Variants in FOXRED1 observed in about 807,000 individuals in gnomAD.
The protein encoded by FOXRED1 is FAD-dependent oxidoreductase domain-containing protein 1.
Under a neutral mutation model 57.8 loss-of-function variants are expected in FOXRED1, and 52 were observed. The ratio of observed to expected loss-of-function variants is 0.90; its 90% CI spans 0.72 to 1.13. The LOEUF is 1.13. Among genes scored for constraint, FOXRED1 ranks in the 50% most tolerant of loss-of-function variants. The probability of loss-of-function intolerance (pLI) is 0.00; values close to 1 mark genes in which losing one functional copy is unlikely to be tolerated. For missense variants in FOXRED1, 589 were observed against 625.2 expected (o/e 0.94, Z 0.62); for synonymous variants, 271 against 248.3 (o/e 1.09, Z -0.86).
chr11:126,274,645 G>GAAA lies in FOXRED1; in HGVS notation c.537-271_537-269dup. 5 of 354,100 alleles carry GAAA rather than the reference G, an allele frequency of 1.4e-5. No homozygotes were observed. The highest frequency in any genetic ancestry group is 4.0e-5 in the Admixed American group (1 of 25,096). The allele number at this position is 354,100 out of a possible 1,614,324, so 21.9% of individuals were successfully genotyped here. ...CCTGGGTGACAGAGCCAGACTCATT[G>GAAA]AAAAAAAAAAAAAGAAGTCATGGAA... On this transcript the variant is annotated intron_variant, in intron 4 of 10. Transcript: ENST00000263578. This position sits in a 1 kb window ranked among gnomAD's most constrained non-coding sequence, Gnocchi z 4.8.
chr11:126,276,610 T>G, intron 9 of FOXRED1, 87 bp downstream of exon 9: 1 of 1,455,440 alleles, frequency 6.9e-7, no homozygotes, highest in Non-Finnish European at 9.5e-7. Context: ...GCACAGTAGC[T>G]CATGCCTGTA....
At position 126,272,708 on chromosome 11, in the gene FOXRED1, C is replaced by T. The variant is rs1951022792; in HGVS notation, c.307-261C>T. ...GTAGGTCAAACGTTAATCGCCTGCC[C>T]TTGGACTTCCAGGCCATTACCATTT... On this transcript the variant is annotated intron_variant, in intron 2 of 10. Transcript: ENST00000263578. The surrounding 1 kb of genome is among the most constrained non-coding windows in gnomAD (Gnocchi z 4.6). 1 of 569,386 alleles carries T rather than the reference C, an allele frequency of 1.8e-6. No homozygotes were observed. Among genetic ancestry groups the T allele is most frequent in the Non-Finnish European group, 3.1e-6 (1 of 317,738 alleles). 35.3% of individuals were successfully genotyped at this position (569,386 alleles called of 1,614,324 possible).
At chr11:126,270,408 A>G (rs1018656643) in intron 1 of FOXRED1, among the ~76,000 whole-genome samples, 1 of 152,246 alleles carries the variant, frequency 6.6e-6, no homozygotes, top group African/African-American at 2.4e-5. Context: ...GTGAAGGTAA[A>G]CACAGCCTCC....
rs1950981031 is a variant in FOXRED1, at chr11:126,271,390, T to A, written c.86-47T>A. The A allele has an allele frequency of 1.4e-6, 2 of 1,380,754 alleles. No individual in the cohort carries two copies. Among genetic ancestry groups the A allele is most frequent in the African/African-American group, 1.4e-5 (1 of 70,410 alleles). The allele number at this position is 1,380,754 out of a possible 1,614,324, so 85.5% of individuals were successfully genotyped here. On this transcript the variant is annotated intron_variant, in intron 1 of 10. Transcript: ENST00000263578. The surrounding 1 kb of genome is among the most constrained non-coding windows in gnomAD (Gnocchi z 5.3). ...TGCCCATCCTCCAACCCCCCAACCA[T>A]GTGGGAAGGAAATGTTTGGCCCTCT...
At position 126,273,557 on chromosome 11, in the gene FOXRED1, C is replaced by T; in HGVS notation, c.536+103C>T. 4 of 816,190 alleles carry T rather than the reference C, an allele frequency of 4.9e-6. No individual in the cohort carries two copies. Among genetic ancestry groups the T allele is most frequent in the Non-Finnish European group, 6.5e-6 (3 of 462,878 alleles). 50.6% of individuals were successfully genotyped at this position (816,190 alleles called of 1,614,324 possible). On this transcript the variant is annotated intron_variant, in intron 4 of 10. Coordinates refer to ENST00000263578, the MANE Select transcript of FOXRED1 (RefSeq NM_017547.4). The surrounding 1 kb of genome is among the most constrained non-coding windows in gnomAD (Gnocchi z 5.9). ...GAAAGTGGAGTTGATAAGACAGATC[C>T]CTGCGGTCTAGGACCTCAGTGTGTC...
Position 126,277,364 on chromosome 11 carries a change from G to T in FOXRED1, c.1207-71G>T. ...GCAGGTAGAGGGTACTCTGTGCTGA[G>T]CCCTGAGGGGAGTGAGGATGGAGTG... On this transcript the variant is annotated intron_variant, in intron 10 of 10. Transcript: ENST00000263578. The surrounding 1 kb of genome is among the most constrained non-coding windows in gnomAD (Gnocchi z 6.8). 6.4e-7 allele frequency: 1 copy of T among 1,566,630 alleles called. No homozygotes were observed. The highest frequency in any genetic ancestry group is 8.8e-7 in the Non-Finnish European group (1 of 1,138,482).
Position 126,276,179 on chromosome 11 carries a change from A to T in FOXRED1, c.931A>T (p.Thr311Ser). Residue 311 changes from threonine (T) to serine (S), a missense_variant, in exon 8 of 11, where the codon ACC (threonine) becomes TCC (serine). Coordinates refer to ENST00000263578, the MANE Select transcript of FOXRED1 (RefSeq NM_017547.4). ...LAGVGEGPPGTLQGTKLPVEP... is the reference protein window; with the variant it reads ...LAGVGEGPPGSLQGTKLPVEP... ...TGGTGTTGGAGAGGGGCCGCCTGGC[A>T]CCCTGCAGGGCACCAAGCTACCTGT... 6.2e-7 allele frequency: 1 copy of T among 1,607,728 alleles called. No individual in the cohort carries two copies. Among genetic ancestry groups the T allele is most frequent in the South Asian group, 1.1e-5 (1 of 90,360 alleles).
rs376645918 is a variant in FOXRED1 at position 126,275,309 on chromosome 11, C to T, written c.632-18C>T. The T allele has an allele frequency of 1.0e-5, 16 of 1,561,786 alleles. No homozygotes were observed. The South Asian group carries it at 1.8e-4, about 17-fold the overall frequency. ...AAGTCCTCATCCCTCTTTGTGAGTT[C>T]TCTTTTTCTTATCACAGGGATGGAG... On this transcript the variant is annotated intron_variant, in intron 5 of 10. Transcript: ENST00000263578. The surrounding 1 kb of genome is among the most constrained non-coding windows in gnomAD (Gnocchi z 5.9).
chr11:126,277,459 T>G lies in FOXRED1; in HGVS notation c.1231T>G (p.Tyr411Asp). 1 of 1,613,326 alleles carries G rather than the reference T, an allele frequency of 6.2e-7. No homozygotes were observed. Among genetic ancestry groups the G allele is most frequent in the African/African-American group, 1.3e-5 (1 of 75,056 alleles). ...GGTTCAGAGCGCCTGGGCCGGCTAT[T>G]ACGACTACAACACCTTTGACCAGAA... ...LKVQSAWAGY[Y>D]DYNTFDQNGV... The change falls in exon 11 of 11, where the codon TAC (tyrosine) becomes GAC (aspartate). Residue 411 changes from tyrosine to aspartate, a missense_variant. Transcript: ENST00000263578. The surrounding 1 kb of genome is among the most constrained non-coding windows in gnomAD (Gnocchi z 6.8).
rs1206377731 is a variant in FOXRED1, at chr11:126,275,321, T to C, written c.632-6T>C. The C allele has an allele frequency of 5.6e-6, 9 of 1,599,594 alleles. No individual in the cohort carries two copies. Among genetic ancestry groups the C allele is most frequent in the Non-Finnish European group, 7.7e-6 (9 of 1,166,862 alleles). On this transcript the variant is annotated splice_region_variant and splice_polypyrimidine_tract_variant and intron_variant, in intron 5 of 10. Transcript: ENST00000263578. This position sits in a 1 kb window ranked among gnomAD's most constrained non-coding sequence, Gnocchi z 5.9. ...CTCTTTGTGAGTTCTCTTTTTCTTA[T>C]CACAGGGATGGAGGACGAAGGTTGG...
In FOXRED1 at chr11:126,277,357, G is replaced by T; in HGVS notation, c.1207-78G>T. The T allele has an allele frequency of 6.5e-7, 1 of 1,538,754 alleles. No individual in the cohort carries two copies. The highest frequency in any genetic ancestry group is 1.1e-5 in the South Asian group (1 of 89,128). On this transcript the variant is annotated intron_variant, in intron 10 of 10. Coordinates refer to ENST00000263578, the MANE Select transcript of FOXRED1 (RefSeq NM_017547.4). The surrounding 1 kb of genome is among the most constrained non-coding windows in gnomAD (Gnocchi z 6.8). ...CTCAGCAGCAGGTAGAGGGTACTCT[G>T]TGCTGAGCCCTGAGGGGAGTGAGGA...
intron 9 of FOXRED1, 73 bp from the exon 10 acceptor site, chr11:126,276,998 G>T: frequency 1.1e-6 from 1 of 928,466 alleles, no homozygotes; most frequent in Non-Finnish European, 1.8e-6. Context: ...ACCTGCACAG[G>T]GATTGTTAAA....
In FOXRED1 at chr11:126,273,473, C is replaced by T. The variant is rs2135260750; in HGVS notation, c.536+19C>T. 1 of 1,520,900 alleles carries T rather than the reference C, an allele frequency of 6.6e-7. No homozygotes were observed. The allele number at this position is 1,520,900 out of a possible 1,614,324, so 94.2% of individuals were successfully genotyped here. A position where few individuals can be genotyped will look rare whatever the true frequency, so the allele number is the denominator to read the frequency against. Reference sequence around the variant, plus strand: ...TGCAGAGGTGGGTGCCTGGCACAGCCTCTTAGCTGCTTGGCAGCCAAAGGT... The same window carrying T: ...TGCAGAGGTGGGTGCCTGGCACAGCTTCTTAGCTGCTTGGCAGCCAAAGGT... On this transcript the variant is annotated intron_variant, in intron 4 of 10. Coordinates refer to ENST00000263578, the MANE Select transcript of FOXRED1 (RefSeq NM_017547.4). The surrounding 1 kb of genome is among the most constrained non-coding windows in gnomAD (Gnocchi z 5.9).
At chr11:126,276,765 A>T in intron 9 of FOXRED1, 1 of 485,506 alleles carries the variant, frequency 2.1e-6, no homozygotes, top group Non-Finnish European at 3.8e-6. Context: ...AATCCCAGCT[A>T]CTTGGGAGGC....
chr11:126,276,156 G>A lies in FOXRED1; in HGVS notation c.908G>A (p.Gly303Asp). 6.2e-7 allele frequency: 1 copy of A among 1,611,654 alleles called. No homozygotes were observed. Among genetic ancestry groups the A allele is most frequent in the Non-Finnish European group, 8.5e-7 (1 of 1,179,572 alleles). The change falls in exon 8 of 11, where the codon GGT (glycine) becomes GAT (aspartate). Residue 303 changes from glycine to aspartate, a missense_variant. By Grantham distance (94) the Gly-to-Asp change is moderately conservative (BLOSUM62 -1). Transcript: ENST00000263578. Reference protein sequence around the residue: ...AWSAQIAALAGVGEGPPGTLQ... With the variant: ...AWSAQIAALADVGEGPPGTLQ... Reference sequence around the variant, plus strand: ...TCTGCGCAAATCGCAGCACTGGCTGGTGTTGGAGAGGGGCCGCCTGGCACC... The same window carrying A: ...TCTGCGCAAATCGCAGCACTGGCTGATGTTGGAGAGGGGCCGCCTGGCACC...
Position 126,269,217 on chromosome 11 carries a change from G to C in FOXRED1, c.11G>C (p.Arg4Thr), listed in dbSNP as rs146672359. Reference protein sequence around the residue: MIRRVLPHGMGRGL... With the variant: MIRTVLPHGMGRGL... ...GGGCTCAGAGGGGTTATGATTCGGA[G>C]GGTTCTGCCGCACGGCATGGGCCGG... Residue 4 changes from arginine to threonine, a missense_variant, in exon 1 of 11, where the codon AGG becomes ACG. Transcript: ENST00000263578. 2.5e-6 allele frequency: 4 copies of C among 1,613,642 alleles called. No individual in the cohort carries two copies. Among genetic ancestry groups the C allele is most frequent in the Non-Finnish European group, 3.4e-6 (4 of 1,179,764 alleles).
chr11:126,274,664 C>A lies in FOXRED1; in HGVS notation c.537-263C>A. The stretch of plus-strand genomic sequence containing the variant: ...CTCATTGAAAAAAAAAAAAAGAAGT[C>A]ATGGAATAGACTGGGATAGCAGGGA... On this transcript the variant is annotated intron_variant, in intron 4 of 10. Transcript: ENST00000263578. The surrounding 1 kb of genome is among the most constrained non-coding windows in gnomAD (Gnocchi z 4.8). 1 of 460,218 alleles carries A rather than the reference C, an allele frequency of 2.2e-6. No individual in the cohort carries two copies. Among genetic ancestry groups the A allele is most frequent in the South Asian group, 2.1e-5 (1 of 46,718 alleles). The allele number at this position is 460,218 out of a possible 1,614,324, so 28.5% of individuals were successfully genotyped here.
Position 126,273,558 on chromosome 11 carries a change from C to T in FOXRED1, c.536+104C>T. On this transcript the variant is annotated intron_variant, in intron 4 of 10. Transcript: ENST00000263578. This position sits in a 1 kb window ranked among gnomAD's most constrained non-coding sequence, Gnocchi z 5.9. ...AAAGTGGAGTTGATAAGACAGATCC[C>T]TGCGGTCTAGGACCTCAGTGTGTCA... The T allele has an allele frequency of 1.2e-6, 1 of 813,524 alleles. No individual in the cohort carries two copies. Among genetic ancestry groups the T allele is most frequent in the South Asian group, 1.3e-5 (1 of 74,310 alleles). 50.4% of individuals were successfully genotyped at this position (813,524 alleles called of 1,614,324 possible). A position where few individuals can be genotyped will look rare whatever the true frequency, so the allele number is the denominator to read the frequency against.
At chr11:126,270,672 G>T (rs1311369543) in intron 1 of FOXRED1, among the ~76,000 whole-genome samples, 1 of 152,214 alleles carries the variant, frequency 6.6e-6, no homozygotes, top group Non-Finnish European at 1.5e-5. Context: ...AGATTGTGCA[G>T]TATCTTACAG....
Sources: gnomAD v4.1 joint callset for allele counts (sites outside exome capture counted in the v4.1 genomes callset) on GRCh38, gnomAD v4.1.1 for gene constraint, Gnocchi (gnomAD v3.1) non-coding constraint, MANE v1.5 for transcripts, NCBI Gene and HGNC (gene_info 2026-07-23, HGNC 2026-07-21) for gene names.